DOCK7: variants seen among roughly 807,000 people sequenced by gnomAD.
DOCK7 encodes the protein dedicator of cytokinesis 7.
Under a neutral mutation model 271.0 loss-of-function variants are expected in DOCK7, and 138 were observed. The observed-to-expected ratio is 0.51, with a 90% CI of 0.44 to 0.59. DOCK7 has a LOEUF of 0.59. Among genes scored for constraint, DOCK7 ranks in the 20% least tolerant of loss-of-function variants. The pLI, the probability that DOCK7 is intolerant of heterozygous loss-of-function variation, is 0.00. For synonymous variants in DOCK7, 823 were observed against 876.1 expected (o/e 0.94, Z 1.07); for missense variants, 2,066 against 2,592.4 (o/e 0.80, Z 4.41).
chr1:62,632,620 A>G (rs1654758782), intron 10 of DOCK7, among the ~76,000 whole-genome samples: 1 of 152,208 alleles, frequency 6.6e-6, no homozygotes, highest in Admixed American at 6.5e-5. Context: ...TAGCTAACCC[A>G]TAGTATCTGA....
chr1:62,457,189 TA>T (rs1413743299), intron 49 of DOCK7, among the ~76,000 whole-genome samples: 1 of 152,194 alleles, frequency 6.6e-6, no homozygotes, highest in Non-Finnish European at 1.5e-5. Context: ...GTGTCCCGGT[TA>T]ATGAGTACCA....
rs533909475 is a variant in DOCK7 at position 62,546,917 on chromosome 1, C to T, written c.2767-1878G>A. Among the ~76,000 whole-genome samples the T allele has an allele frequency of 3.9e-4, 59 of 152,134 alleles. 1 individual carries two copies. Among genetic ancestry groups the T allele is most frequent in the African/African-American group, 1.4e-3 (57 of 41,560 alleles). On this transcript the variant is annotated intron_variant, in intron 22 of 49. Coordinates refer to ENST00000635253, the MANE Select transcript of DOCK7 (RefSeq NM_001367561.1). ...GTATAAAAGTGTAAAGTTCTTCCTACCATATTCAATTTTTACAGTCACTAC... is the reference window on the plus strand; with the variant it reads ...GTATAAAAGTGTAAAGTTCTTCCTATCATATTCAATTTTTACAGTCACTAC...
intron 1 of DOCK7, among the ~76,000 whole-genome samples, chr1:62,684,163 C>T (rs1202429086): frequency 6.7e-6 from 1 of 149,458 alleles, no homozygotes; most frequent in Non-Finnish European, 1.5e-5. Flanking sequence ...TGCAGTGAGC[C>T]GATTGCGCCA....
At chr1:62,533,730 C>G (rs1363714611) in intron 29 of DOCK7, among the ~76,000 whole-genome samples, 1 of 152,180 alleles carries the variant, frequency 6.6e-6, no homozygotes, top group African/African-American at 2.4e-5. Context: ...TCTGGCCTTT[C>G]ACAATTTATT....
intron 2 of DOCK7, 95 bp from the exon 3 acceptor site, chr1:62,654,254 G>T: frequency 1.7e-6 from 2 of 1,203,396 alleles, no homozygotes; most frequent in South Asian, 1.7e-5. Context: ...TTAAATAAAA[G>T]CTTTTAATCT....
chr1:62,524,273 G>C (rs920174556), intron 31 of DOCK7, among the ~76,000 whole-genome samples: 71 of 152,188 alleles, frequency 4.7e-4, no homozygotes, highest in Non-Finnish European at 2.9e-5. Flanking sequence ...TATGTGTTAA[G>C]TATAAATTAA....
chr1:62,547,574 C>A (rs1645752822), intron 22 of DOCK7, among the ~76,000 whole-genome samples: 1 of 152,080 alleles, frequency 6.6e-6, no homozygotes, highest in African/African-American at 2.4e-5. Flanking sequence ...TAGTGCCTAG[C>A]ACACAGTAAG....
chr1:62,577,303 A>G lies in DOCK7; in HGVS notation c.2071T>C (p.Leu691=), dbSNP rs1328305443. Residue 691 remains leucine, a synonymous_variant, in exon 18 of 50, where the codon TTG becomes CTG. Transcript: ENST00000635253. ...KTGQFCLPVS[L]EKPPQAYSVL... ...GAATAAGCCTGTGGTGGTTTTTCCA[A>G]TGAGACTGGCAAGCAAAACTGGCCA... 2 of 1,592,232 alleles carry G rather than the reference A, an allele frequency of 1.3e-6. No individual in the cohort carries two copies. Among genetic ancestry groups the G allele is most frequent in the African/African-American group, 1.3e-5 (1 of 74,870 alleles).
chr1:62,653,690 A>G (rs757714247), intron 4 of DOCK7, 35 bp downstream of exon 4: 14 of 1,326,000 alleles, frequency 1.1e-5, no homozygotes, highest in Admixed American at 1.0e-4. Flanking sequence ...ATCTTACTCA[A>G]TATTTGTAAA....
At chr1:62,524,663 C>T (rs938015791) in intron 31 of DOCK7, among the ~76,000 whole-genome samples, 7 of 151,640 alleles carry the variant, frequency 4.6e-5, no homozygotes, top group Non-Finnish European at 4.4e-5. Context: ...TTTGGGAGGC[C>T]GAGGCAGGTG....
chr1:62,555,805 T>C lies in DOCK7; in HGVS notation c.2596+20A>G, dbSNP rs748454784. 6 of 1,598,270 alleles carry C rather than the reference T, an allele frequency of 3.8e-6. No homozygotes were observed. The highest frequency in any genetic ancestry group is 1.1e-5 in the South Asian group (1 of 89,242). On this transcript the variant is annotated intron_variant, in intron 21 of 49. Transcript: ENST00000635253. ...ATATAATTTATGAAAGACAGCTTCA[T>C]AGTAAAAAGAATAAAATACCTGGTG...
At chr1:62,486,540 G>A (rs895209390) in intron 43 of DOCK7, 64 of 152,096 alleles carry the variant, frequency 4.2e-4, no homozygotes, top group Middle Eastern at 3.4e-3. Context: ...TTGCAGAAAC[G>A]TTTAAAATAA....
intron 49 of DOCK7, among the ~76,000 whole-genome samples, chr1:62,456,368 T>C (rs899009931): frequency 6.6e-6 from 1 of 152,140 alleles, no homozygotes. Context: ...ACTCTTAACA[T>C]ATTTTCCATT....
intron 21 of DOCK7, among the ~76,000 whole-genome samples, chr1:62,553,983 G>C (rs995823468): frequency 6.6e-6 from 1 of 152,078 alleles, no homozygotes; most frequent in African/African-American, 2.4e-5. Context: ...AGTCACTAGA[G>C]AGAGTGCCAA....
rs1002015829 is a variant in DOCK7, at chr1:62,576,928, T to C, written c.2112+334A>G. ...AGTGAAATGTTAAGTCTACTAAAAATAAAAAAGAAATATTCATTTATTTAA... is the reference window on the plus strand; with the variant it reads ...AGTGAAATGTTAAGTCTACTAAAAACAAAAAAGAAATATTCATTTATTTAA... On this transcript the variant is annotated intron_variant, in intron 18 of 49. Coordinates refer to ENST00000635253, the MANE Select transcript of DOCK7 (RefSeq NM_001367561.1). Among the ~76,000 whole-genome samples the C allele has an allele frequency of 5.9e-5, 9 of 152,138 alleles. 1 individual carries two copies. Among genetic ancestry groups the C allele is most frequent in the Admixed American group, 5.9e-4 (9 of 15,274 alleles).
chr1:62,456,407 G>A (rs755467816), intron 49 of DOCK7, among the ~76,000 whole-genome samples: 1 of 151,964 alleles, frequency 6.6e-6, no homozygotes. Flanking sequence ...CTTATCCTTC[G>A]TGCCATTAAG....
At chr1:62,540,604 T>C (rs527349959) in intron 25 of DOCK7, among the ~76,000 whole-genome samples, 4 of 152,220 alleles carry the variant, frequency 2.6e-5, no homozygotes, top group Admixed American at 6.5e-5. Flanking sequence ...ACACAGATGA[T>C]AGCATATAGT....
chr1:62,584,524 G>T, intron 15 of DOCK7: 1 of 1,112,670 alleles, frequency 9.0e-7, no homozygotes. Context: ...TAAAAGAAAT[G>T]CAATACCTTT....
chr1:62,456,403 C>T lies in DOCK7; in HGVS notation c.6381-947G>A, dbSNP rs201870510. Among the ~76,000 whole-genome samples the T allele has an allele frequency of 3.0e-4, 45 of 152,216 alleles. No individual in the cohort carries two copies. The East Asian group carries it at 6.7e-3, about 23-fold the overall frequency. On this transcript the variant is annotated intron_variant, in intron 49 of 49. Transcript: ENST00000635253. ...TATCAGTTGGTTTCTTTTACTTATC[C>T]TTCGTGCCATTAAGGTTAAGCCATG...
Sources: gnomAD v4.1 joint callset for allele counts (sites outside exome capture counted in the v4.1 genomes callset) on GRCh38, gnomAD v4.1.1 for gene constraint, MANE v1.5 for transcripts, NCBI Gene and HGNC (gene_info 2026-07-23, HGNC 2026-07-21) for gene names.